Variants in OPCML observed in about 807,000 individuals in gnomAD.
The protein encoded by OPCML is opioid binding protein/cell adhesion molecule like, also known as opioid-binding protein/cell adhesion molecule.
Under a neutral mutation model 37.8 loss-of-function variants are expected in OPCML, and 13 were observed. The ratio of observed to expected loss-of-function variants is 0.34; its 90% CI spans 0.22 to 0.55. OPCML has a LOEUF of 0.55. OPCML is among the 20% of genes least tolerant of loss of function. The pLI, the probability that OPCML is intolerant of heterozygous loss-of-function variation, is 0.91. For synonymous variants in OPCML, 176 were observed against 168.8 expected (o/e 1.04, Z -0.33); for missense variants, 341 against 435.6 (o/e 0.78, Z 1.93).
At chr11:133,278,639 C>T (rs1942058364) in intron 1 of OPCML, among the ~76,000 whole-genome samples, 2 of 152,000 alleles carry the variant, frequency 1.3e-5, no homozygotes, top group Admixed American at 1.3e-4. Context: ...GTGTGAGTTT[C>T]ATACTGCAGA....
intron 2 of OPCML, among the ~76,000 whole-genome samples, chr11:132,851,106 A>C (rs1941789623): frequency 1.3e-5 from 2 of 152,248 alleles, no homozygotes; most frequent in African/African-American, 4.8e-5. Context: ...AACCAAGCAC[A>C]GAAGTGTCAG....
At chr11:133,506,636 G>A (rs538129328) in intron 1 of OPCML, among the ~76,000 whole-genome samples, 3 of 152,286 alleles carry the variant, frequency 2.0e-5, no homozygotes, top group South Asian at 2.1e-4. Flanking sequence ...AACACTGGCC[G>A]GCAGAAGAAA....
At chr11:133,328,377 C>T (rs1222930498) in intron 1 of OPCML, among the ~76,000 whole-genome samples, 2 of 152,022 alleles carry the variant, frequency 1.3e-5, no homozygotes, top group African/African-American at 4.8e-5. Flanking sequence ...AGCGTGGTCT[C>T]GAACTCCTGA....
chr11:132,828,877 G>A (rs750713015), intron 2 of OPCML, among the ~76,000 whole-genome samples: 78 of 152,326 alleles, frequency 5.1e-4, no homozygotes, highest in African/African-American at 1.1e-3. Flanking sequence ...CTGGCTGGCC[G>A]TGGGCTGGAC....
intron 1 of OPCML, among the ~76,000 whole-genome samples, chr11:133,214,083 G>T (rs1049542529): frequency 6.6e-6 from 1 of 151,946 alleles, no homozygotes; most frequent in African/African-American, 2.4e-5. Flanking sequence ...AATAAAGGAT[G>T]AAACACTTTT....
intron 1 of OPCML, among the ~76,000 whole-genome samples, chr11:132,971,414 G>A (rs571711169): frequency 4.6e-5 from 7 of 152,224 alleles, no homozygotes; most frequent in East Asian, 1.9e-4. Context: ...AGGGACATGC[G>A]CGAGTCTTCA....
At chr11:132,812,324 G>T (rs1260955203) in intron 2 of OPCML, among the ~76,000 whole-genome samples, 2 of 152,086 alleles carry the variant, frequency 1.3e-5, no homozygotes, top group African/African-American at 4.8e-5. Flanking sequence ...GCAACAGGTG[G>T]CAATAAAAAG....
At chr11:132,681,318 T>G (rs961997054) in intron 2 of OPCML, among the ~76,000 whole-genome samples, 2 of 152,170 alleles carry the variant, frequency 1.3e-5, no homozygotes, top group African/African-American at 2.4e-5. Flanking sequence ...CTGCCCCCTG[T>G]CCTGTACCCA....
chr11:132,872,923 T>C (rs1197147741), intron 2 of OPCML, among the ~76,000 whole-genome samples: 2 of 151,442 alleles, frequency 1.3e-5, no homozygotes, highest in Admixed American at 6.5e-5. Flanking sequence ...CCTTCTTTCT[T>C]TCTTTTTTTT....
intron 4 of OPCML, among the ~76,000 whole-genome samples, chr11:132,465,075 C>T (rs1592214793): frequency 1.3e-5 from 2 of 152,162 alleles, no homozygotes; most frequent in South Asian, 4.2e-4. Context: ...TATGGATCTG[C>T]CACATTCTTT....
At chr11:133,077,716 G>A (rs1415439722) in intron 1 of OPCML, among the ~76,000 whole-genome samples, 1 of 152,028 alleles carries the variant, frequency 6.6e-6, no homozygotes, top group Admixed American at 6.5e-5. Flanking sequence ...TGAATACTTT[G>A]TTTCTACAAA....
intron 1 of OPCML, chr11:133,362,211 G>A (rs1435649517): frequency 6.6e-6 from 1 of 152,420 alleles, no homozygotes; most frequent in Non-Finnish European, 1.5e-5. Flanking sequence ...GAGACTCGGG[G>A]TTAGAAGGGG....
chr11:133,319,674 T>C (rs1237369797), intron 1 of OPCML, among the ~76,000 whole-genome samples: 1 of 152,208 alleles, frequency 6.6e-6, no homozygotes, highest in Non-Finnish European at 1.5e-5. Context: ...TCCGAGCCTG[T>C]CTAAGCCTTA....
chr11:133,453,183 A>G (rs1946612076), intron 1 of OPCML, among the ~76,000 whole-genome samples: 2 of 152,352 alleles, frequency 1.3e-5, no homozygotes, highest in East Asian at 1.9e-4. Context: ...CAATGTTTGA[A>G]GCATCAAAAA....
chr11:133,383,993 C>T (rs993023818), intron 1 of OPCML, among the ~76,000 whole-genome samples: 6 of 152,024 alleles, frequency 3.9e-5, no homozygotes, highest in African/African-American at 1.5e-4. Flanking sequence ...CCCGGCAGTG[C>T]CCCAGGAGAG....
chr11:132,984,548 G>C (rs1946650190), intron 1 of OPCML, among the ~76,000 whole-genome samples: 1 of 152,068 alleles, frequency 6.6e-6, no homozygotes, highest in Admixed American at 6.6e-5. Context: ...AGGAAAACAG[G>C]GCTTAAAATG....
intron 1 of OPCML, among the ~76,000 whole-genome samples, chr11:133,039,387 C>T (rs1194071189): frequency 2.0e-5 from 3 of 152,176 alleles, no homozygotes; most frequent in Admixed American, 6.5e-5. Flanking sequence ...CCCCCAAGTC[C>T]TTGCCTCCTC....
chr11:132,750,007 C>T (rs1387263414), intron 2 of OPCML, among the ~76,000 whole-genome samples: 13 of 152,138 alleles, frequency 8.5e-5, no homozygotes, highest in Admixed American at 3.9e-4. Context: ...CTCAGCCTCC[C>T]GAGTAGCTGG....
intron 2 of OPCML, among the ~76,000 whole-genome samples, chr11:132,725,206 G>A (rs975300755): frequency 1.3e-5 from 2 of 152,196 alleles, no homozygotes; most frequent in African/African-American, 4.8e-5. Flanking sequence ...GAATATCCAG[G>A]CGTTTTCATA....
Sources: allele counts gnomAD v4.1 joint callset (sites outside exome capture counted in the v4.1 genomes callset), GRCh38; gene constraint gnomAD v4.1.1; transcripts MANE v1.5; gene names NCBI Gene and HGNC (gene_info 2026-07-23, HGNC 2026-07-21).